Variants in PLA2R1 observed in about 807,000 individuals in gnomAD.
The protein encoded by PLA2R1 is secretory phospholipase A2 receptor.
In PLA2R1, 158 loss-of-function variants were observed where a neutral mutation model predicts 195.9. The ratio of observed to expected loss-of-function variants is 0.81; its 90% CI spans 0.71 to 0.92. The LOEUF is 0.92. PLA2R1 is among the 40% of genes least tolerant of loss of function. PLA2R1 has a pLI of 0.00. For missense variants in PLA2R1, 1,626 were observed against 1,764.6 expected, an observed-to-expected ratio of 0.92 and a Z score of 1.41; for synonymous variants, 586 against 598.2, an observed-to-expected ratio of 0.98 and a Z score of 0.30.
Position 159,951,340 on chromosome 2 carries a change from A to G in PLA2R1, c.3540T>C (p.Asp1180=). The change falls in exon 24 of 30, where the codon GAT becomes GAC. Residue 1180 remains aspartate, a splice_region_variant and synonymous_variant. Transcript: ENST00000283243. The stretch of plus-strand genomic sequence containing the variant: ...GTCTCAAGGGAGTTAGGATACCTAC[A>G]TCTGTGGTGAACAGTCCAATCCAGT... ...YAHWIGLFTT[D]NGLNFDWSDG... 6.4e-7 allele frequency: 1 copy of G among 1,551,284 alleles called. No individual in the cohort carries two copies. Among genetic ancestry groups the G allele is most frequent in the Non-Finnish European group, 8.9e-7 (1 of 1,122,670 alleles).
chr2:160,029,514 T>C (rs1693729007), intron 4 of PLA2R1, among the ~76,000 whole-genome samples: 1 of 152,012 alleles, frequency 6.6e-6, no homozygotes. Flanking sequence ...TTCCACAGCT[T>C]GAGGTGGGAG....
intron 1 of PLA2R1, among the ~76,000 whole-genome samples, 157 bp from the exon 2 acceptor site, chr2:160,045,314 A>G (rs1694792193): frequency 6.6e-6 from 1 of 152,202 alleles, no homozygotes; most frequent in African/African-American, 2.4e-5. Context: ...GAAGGGCTGT[A>G]TTTGCATAAA....
At chr2:159,958,234 A>G (rs1262441273) in intron 20 of PLA2R1, among the ~76,000 whole-genome samples, 1 of 151,754 alleles carries the variant, frequency 6.6e-6, no homozygotes, top group Non-Finnish European at 1.5e-5. Flanking sequence ...GATTGTTTAA[A>G]AGTCTGGAAC....
rs918858381 is a variant in PLA2R1 at position 159,937,128 on chromosome 2, A to G, written c.*4650T>C. On this transcript the variant is annotated 3_prime_UTR_variant, in exon 30 of 30. Transcript: ENST00000283243. Reference sequence around the variant, plus strand: ...ATAGAAGTGGAAACACCCTACTTGCAAAGTGATTTGTTACCCAGTCATTAG... The same window carrying G: ...ATAGAAGTGGAAACACCCTACTTGCGAAGTGATTTGTTACCCAGTCATTAG... 8 of 152,138 alleles carry G rather than the reference A, an allele frequency of 5.3e-5. No individual in the cohort carries two copies. The highest frequency in any genetic ancestry group is 1.0e-4 in the Non-Finnish European group (7 of 68,022). The allele number at this position is 152,138 out of a possible 1,614,324, so 9.4% of individuals were successfully genotyped here.
In PLA2R1 at chr2:159,932,757, G is replaced by A. The variant is rs550475222; in HGVS notation, c.*9021C>T. On this transcript the variant is annotated 3_prime_UTR_variant, in exon 30 of 30. Coordinates refer to ENST00000283243, the MANE Select transcript of PLA2R1 (RefSeq NM_007366.5). Reference sequence around the variant, plus strand: ...GTGTGAAGACAATAATAAAACCACAGTTTCAGTGCTAGGGAGGGCAAGGAG... The same window carrying A: ...GTGTGAAGACAATAATAAAACCACAATTTCAGTGCTAGGGAGGGCAAGGAG... 3 of 152,256 alleles carry A rather than the reference G, an allele frequency of 2.0e-5. No individual in the cohort carries two copies. Among genetic ancestry groups the A allele is most frequent in the Non-Finnish European group, 1.5e-5 (1 of 68,000 alleles). 9.4% of individuals were successfully genotyped at this position (152,256 alleles called of 1,614,324 possible).
At position 160,044,840 on chromosome 2, in the gene PLA2R1, T is replaced by A. The variant is rs1414205311; in HGVS notation, c.427A>T (p.Lys143Ter). ...TAAGAAATCCACTTATGAATATACT[T>A]CCGTGAGGCCACCACTGTGTTGTCA... is the stretch of plus-strand genomic sequence containing the variant. ...AHDNTVVASR[K>*]YIHKWISYGS... The change falls in exon 2 of 30, where the codon AAG becomes TAG. Residue 143 changes from lysine (K) to a stop codon, truncating the protein, a stop_gained. Transcript: ENST00000283243. LOFTEE classifies it high-confidence loss of function. 7 of 1,613,760 alleles carry A rather than the reference T, an allele frequency of 4.3e-6. No homozygotes were observed. Among genetic ancestry groups the A allele is most frequent in the African/African-American group, 1.3e-5 (1 of 74,916 alleles).
chr2:159,943,494 T>C (rs1687202701), intron 28 of PLA2R1, among the ~76,000 whole-genome samples: 3 of 152,200 alleles, frequency 2.0e-5, no homozygotes, highest in Non-Finnish European at 4.4e-5. Flanking sequence ...TAAGAAAGAC[T>C]GTTAAGAGTG....
At chr2:160,043,586 T>C (rs1263424510) in intron 2 of PLA2R1, among the ~76,000 whole-genome samples, 3 of 152,162 alleles carry the variant, frequency 2.0e-5, no homozygotes, top group Non-Finnish European at 4.4e-5. Context: ...TTAGGAACCG[T>C]AGGTATTTCA....
downstream of PLA2R1, among the ~76,000 whole-genome samples, chr2:159,927,349 T>C (rs1686518660): frequency 6.6e-6 from 1 of 152,200 alleles, no homozygotes; most frequent in Non-Finnish European, 1.5e-5. Flanking sequence ...TTTGATCAGG[T>C]TGGATGCAAA....
rs535220941 is a variant in PLA2R1 at position 159,984,328 on chromosome 2, A to AT, written c.2038-256dup. ...GTTTTATAAATGAGCTTTTTGAGGA[A>AT]TTTTTTTTCACCCTAAATCTTCTGT... On this transcript the variant is annotated intron_variant, in intron 12 of 29. Transcript: ENST00000283243. Among the ~76,000 whole-genome samples the AT allele has an allele frequency of 6.6e-5, 10 of 151,958 alleles. No homozygotes were observed. The East Asian group carries it at 1.3e-3, about 20-fold the overall frequency.
At chr2:159,976,258 T>C (rs1399646444) in intron 16 of PLA2R1, 33 bp from the exon 17 acceptor site, 2 of 1,528,272 alleles carry the variant, frequency 1.3e-6, no homozygotes, top group Non-Finnish European at 1.8e-6. Flanking sequence ...AATGCTGAAA[T>C]GATAAATAGG....
chr2:159,980,652 G>A (rs1689880999), intron 13 of PLA2R1, among the ~76,000 whole-genome samples: 2 of 152,060 alleles, frequency 1.3e-5, no homozygotes, highest in Non-Finnish European at 2.9e-5. Context: ...GCTCCACAGA[G>A]AATCACCTTC....
chr2:159,954,512 G>GTATA (rs56988544), intron 23 of PLA2R1, among the ~76,000 whole-genome samples: 13 of 147,160 alleles, frequency 8.8e-5, no homozygotes, highest in East Asian at 7.9e-4. Context: ...TTCCAAATAA[G>GTATA]TATATATATA....
intron 13 of PLA2R1, among the ~76,000 whole-genome samples, chr2:159,983,651 A>G (rs997328362): frequency 2.0e-5 from 3 of 152,148 alleles, no homozygotes; most frequent in African/African-American, 7.2e-5. Context: ...TGGGGTAGAT[A>G]ATTCCTGAGT....
chr2:159,979,730 C>A (rs1271174721), intron 14 of PLA2R1, 100 bp downstream of exon 14: 5 of 634,438 alleles, frequency 7.9e-6, no homozygotes, highest in South Asian at 2.0e-5. Context: ...GTCATGGGAG[C>A]TCTGGCCATC....
chr2:159,928,876 A>C (rs1035831523), downstream of PLA2R1, among the ~76,000 whole-genome samples: 1 of 152,214 alleles, frequency 6.6e-6, no homozygotes, highest in African/African-American at 2.4e-5. Context: ...ATCTTCAACA[A>C]AGCAAACAAA....
At chr2:160,019,983 G>A in intron 8 of PLA2R1, 123 bp downstream of exon 8, 5 of 608,384 alleles carry the variant, frequency 8.2e-6, no homozygotes, top group Non-Finnish European at 1.5e-5. Flanking sequence ...TCTCTAACAT[G>A]GAAGGCCCAT....
rs1687019492 is a variant in PLA2R1, at chr2:159,940,043, A to C, written c.*1735T>G. On this transcript the variant is annotated 3_prime_UTR_variant, in exon 30 of 30. Transcript: ENST00000283243. Reference sequence around the variant, plus strand: ...TTTTGGAAGCTGGATTAACTGTTGCAGGCCACAAGGATTCCATTCTTAGTG... The same window carrying C: ...TTTTGGAAGCTGGATTAACTGTTGCCGGCCACAAGGATTCCATTCTTAGTG... 6.6e-6 allele frequency: 1 copy of C among 152,224 alleles called. No individual in the cohort carries two copies. The highest frequency in any genetic ancestry group is 1.5e-5 in the Non-Finnish European group (1 of 68,042). 9.4% of individuals were successfully genotyped at this position (152,224 alleles called of 1,614,324 possible). A position where few individuals can be genotyped will look rare whatever the true frequency, so the allele number is the denominator to read the frequency against.
chr2:160,028,495 A>G (rs1573929180), intron 5 of PLA2R1, 134 bp from the exon 6 acceptor site: 4 of 693,256 alleles, frequency 5.8e-6, no homozygotes, highest in East Asian at 5.5e-5. Context: ...GATGTTATCT[A>G]TGATTTTGCA....
Sources: allele counts gnomAD v4.1 joint callset (sites outside exome capture counted in the v4.1 genomes callset), GRCh38; gene constraint gnomAD v4.1.1; transcripts MANE v1.5; gene names NCBI Gene and HGNC (gene_info 2026-07-23, HGNC 2026-07-21).